The following TPO variants were observed in gnomAD, a reference collection of about 807,000 sequenced individuals.
TPO encodes the protein thyroid microsomal antigen.
In TPO, 78 loss-of-function variants were observed where a neutral mutation model predicts 96.9. The observed-to-expected ratio is 0.81, with a 90% CI of 0.67 to 0.97. The LOEUF (loss-of-function observed/expected upper bound fraction) is 0.97, where lower values mean the gene tolerates loss of function less well. TPO is among the 50% of genes least tolerant of loss of function. The pLI, the probability that TPO is intolerant of heterozygous loss-of-function variation, is 0.00. For missense variants in TPO, 1,252 were observed against 1,274.8 expected (o/e 0.98, Z 0.27); for synonymous variants, 547 against 538.0 (o/e 1.02, Z -0.23).
At chr2:1,445,777 T>C (rs11689344) in intron 5 of TPO, among the ~76,000 whole-genome samples, 413 of 15,842 alleles carry the variant, frequency 0.026, 34 homozygotes, top group South Asian at 0.043. Context: ...AGGCTCCTTC[T>C]TGTTTGTATG....
At chr2:1,390,593 A>C (rs758088627) in intron 1 of TPO, among the ~76,000 whole-genome samples, 20 of 152,198 alleles carry the variant, frequency 1.3e-4, no homozygotes, top group Non-Finnish European at 2.8e-4. Flanking sequence ...TAGATCCTTG[A>C]GGGATCGCCA....
chr2:1,514,558 C>T (rs1276532629), intron 14 of TPO, among the ~76,000 whole-genome samples: 2 of 152,124 alleles, frequency 1.3e-5, no homozygotes, highest in African/African-American at 4.8e-5. Context: ...CAGAGGGGCA[C>T]CCACGCCCAC....
chr2:1,531,527 A>C, intron 15 of TPO, among the ~76,000 whole-genome samples: 3 of 86,478 alleles, frequency 3.5e-5, no homozygotes, highest in Admixed American at 1.3e-4. Context: ...ACTGTGTGCA[A>C]CCTCCTCAAA....
intron 10 of TPO, among the ~76,000 whole-genome samples, chr2:1,490,046 C>G (rs139636595): frequency 0.027 from 1,713 of 64,322 alleles, 83 homozygotes; most frequent in South Asian, 0.056. Context: ...AGTCGCGACA[C>G]AGCAGTGTAA....
chr2:1,378,839 A>C (rs980494592), intron 1 of TPO, among the ~76,000 whole-genome samples: 1 of 152,168 alleles, frequency 6.6e-6, no homozygotes, highest in African/African-American at 2.4e-5. Flanking sequence ...CCCATTTGGC[A>C]GAGGGCTCTG....
intron 14 of TPO, among the ~76,000 whole-genome samples, chr2:1,508,119 C>G (rs2125028884): frequency 6.6e-6 from 1 of 152,116 alleles, no homozygotes; most frequent in South Asian, 2.1e-4. Flanking sequence ...TGTCAAAGGC[C>G]TTTTCTGCAT....
At chr2:1,486,309 G>A (rs1301592190) in intron 9 of TPO, among the ~76,000 whole-genome samples, 1 of 152,096 alleles carries the variant, frequency 6.6e-6, no homozygotes, top group Non-Finnish European at 1.5e-5. Flanking sequence ...ATCACTTGAG[G>A]TCGGGAGTTT....
Position 1,422,296 on chromosome 2 carries a change from C to CGCAGGCGCCTCTCCTGGACAGACCTCGT in TPO, c.95-729_95-702dup, listed in dbSNP as rs1343678726. Among the ~76,000 whole-genome samples the CGCAGGCGCCTCTCCTGGACAGACCTCGT allele has an allele frequency of 2.6e-3, 157 of 60,330 alleles. 2 individuals are homozygous for CGCAGGCGCCTCTCCTGGACAGACCTCGT. The highest frequency in any genetic ancestry group is 8.3e-3 in the African/African-American group (105 of 12,694). 39.6% of individuals were successfully genotyped at this position (60,330 alleles called of 152,430 possible). On this transcript the variant is annotated intron_variant, in intron 2 of 16. Transcript: ENST00000329066. ...CGTGGGACTGAAGCCTTGAAGACCC[C>CGCAGGCGCCTCTCCTGGACAGACCTCGT]GCAGGCGCCTCTCCTGGACAGACCT...
chr2:1,511,725 C>T (rs1273355432), intron 14 of TPO, among the ~76,000 whole-genome samples: 2 of 152,178 alleles, frequency 1.3e-5, no homozygotes, highest in African/African-American at 2.4e-5. Context: ...ACATAGCTGC[C>T]TTGGGCCACG....
Position 1,498,894 on chromosome 2 carries a change from C to T in TPO, c.2386+2129C>T, listed in dbSNP as rs577642822. Among the ~76,000 whole-genome samples, 29 of 152,274 alleles carry T rather than the reference C, an allele frequency of 1.9e-4. No individual in the cohort carries two copies. In the South Asian group the frequency reaches 3.1e-3, roughly 16 times the overall value. On this transcript the variant is annotated intron_variant, in intron 13 of 16. Transcript: ENST00000329066. ...AAACTTGAAACGGCCACTTCACTCA[C>T]GATTCCTGGTTTTCCGTGTTGGCAT...
intron 10 of TPO, 52 bp downstream of exon 10, chr2:1,488,043 C>A: frequency 6.2e-7 from 1 of 1,608,886 alleles, no homozygotes; most frequent in South Asian, 1.1e-5. Context: ...CGGGATTTGC[C>A]GAGCTAGCAA....
chr2:1,407,491 G>A (rs913324129), intron 1 of TPO, among the ~76,000 whole-genome samples: 1 of 152,160 alleles, frequency 6.6e-6, no homozygotes, highest in Non-Finnish European at 1.5e-5. Flanking sequence ...AAAGCCAAAT[G>A]TTTCATTTTC....
chr2:1,414,385 C>G, intron 1 of TPO, 23 bp from the exon 2 acceptor site: 1 of 1,606,496 alleles, frequency 6.2e-7, no homozygotes, highest in Non-Finnish European at 8.5e-7. Flanking sequence ...ATTACATACT[C>G]TGTCTCCTTC....
At chr2:1,433,914 C>T (rs1276154345) in intron 4 of TPO, among the ~76,000 whole-genome samples, 1 of 152,094 alleles carries the variant, frequency 6.6e-6, no homozygotes, top group East Asian at 1.9e-4. Context: ...TCCCATAGCC[C>T]CCCTCTTAGT....
intron 6 of TPO, 132 bp from the exon 7 acceptor site, chr2:1,455,944 G>A: frequency 1.1e-6 from 1 of 880,174 alleles, no homozygotes; most frequent in Admixed American, 2.0e-5. Flanking sequence ...TAACTCCAGG[G>A]CACAGATCTC....
In TPO at chr2:1,507,328, A is replaced by C. The variant is rs370106419; in HGVS notation, c.2518+3249A>C. 2.0e-5 allele frequency among the ~76,000 whole-genome samples: 3 copies of C among 152,034 alleles called. No individual in the cohort carries two copies. The South Asian group carries it at 6.2e-4, about 32-fold the overall frequency. ...GAAGTCAGGTAGTGTGGTGCCTCCC[A>C]CTTTGTTCTTTTGGCTTAGGATTGA... is the stretch of plus-strand genomic sequence containing the variant. On this transcript the variant is annotated intron_variant, in intron 14 of 16. Coordinates refer to ENST00000329066, the MANE Select transcript of TPO (RefSeq NM_001206744.2).
intron 14 of TPO, among the ~76,000 whole-genome samples, chr2:1,504,917 A>G (rs1673247198): frequency 6.6e-6 from 1 of 152,190 alleles, no homozygotes; most frequent in South Asian, 2.1e-4. Flanking sequence ...GTCTCCAGAA[A>G]GAACCAAGTG....
intron 2 of TPO, among the ~76,000 whole-genome samples, chr2:1,416,391 A>T (rs1284973219): frequency 6.6e-6 from 1 of 152,272 alleles, no homozygotes; most frequent in African/African-American, 2.4e-5. Context: ...GCTAGTTCTG[A>T]GCAAGTTGTG....
At chr2:1,496,866 T>C in intron 13 of TPO, 101 bp downstream of exon 13, 1 of 1,554,754 alleles carries the variant, frequency 6.4e-7, no homozygotes, top group South Asian at 1.1e-5. Context: ...AAGGTGCTTC[T>C]GAAACTGTTA....
Sources: gnomAD v4.1 joint callset for allele counts (sites outside exome capture counted in the v4.1 genomes callset) on GRCh38, gnomAD v4.1.1 for gene constraint, MANE v1.5 for transcripts, NCBI Gene and HGNC (gene_info 2026-07-23, HGNC 2026-07-21) for gene names.